ATP11C: variants seen among roughly 807,000 people sequenced by gnomAD.
The protein encoded by ATP11C is phospholipid-transporting ATPase IG.
ATP11C carries 36 observed loss-of-function variants against 97.4 expected under a neutral mutation model. The ratio of observed to expected loss-of-function variants is 0.37; its 90% CI spans 0.28 to 0.49. The LOEUF is 0.49. Among genes scored for constraint, ATP11C ranks in the 20% least tolerant of loss-of-function variants. The pLI is 0.98. For synonymous variants in ATP11C, 275 were observed against 290.9 expected (o/e 0.95, Z 0.56); for missense variants, 730 against 824.6 (o/e 0.89, Z 1.40).
At chrX:139,764,504 A>G (rs745694532) in intron 20 of ATP11C, among the ~76,000 whole-genome samples, 50 of 112,875 alleles carry the variant, frequency 4.4e-4, no homozygotes, top group Non-Finnish European at 8.2e-4. Context: ...TGTTTTAGAT[A>G]ATCACTGTTT....
At chrX:139,809,553 T>C (rs2147817022) in intron 5 of ATP11C, among the ~76,000 whole-genome samples, 1 of 112,460 alleles carries the variant, frequency 8.9e-6, no homozygotes, top group Non-Finnish European at 1.9e-5. Flanking sequence ...GTTTAATGAA[T>C]AGAGCTTTGT....
chrX:139,777,150 T>A (rs1157058912), intron 18 of ATP11C, among the ~76,000 whole-genome samples: 2 of 110,972 alleles, frequency 1.8e-5, no homozygotes, highest in Non-Finnish European at 3.8e-5. Flanking sequence ...ACACAAAGGA[T>A]TGTACTACCT....
At chrX:139,919,992 A>G (rs1237134832) in intron 1 of ATP11C, among the ~76,000 whole-genome samples, 1 of 111,959 alleles carries the variant, frequency 8.9e-6, no homozygotes, top group Non-Finnish European at 1.9e-5. Context: ...AGTGCGAACA[A>G]CCCAAATGTC....
intron 13 of ATP11C, 36 bp from the exon 14 acceptor site, chrX:139,788,379 T>C (rs1219106814): frequency 1.8e-6 from 2 of 1,127,839 alleles, no homozygotes; most frequent in African/African-American, 3.6e-5. Context: ...TTATTATTTT[T>C]AATTTGATCA....
intron 12 of ATP11C, among the ~76,000 whole-genome samples, chrX:139,790,387 AAAG>A (rs2082665874): frequency 9.0e-6 from 1 of 110,889 alleles, no homozygotes; most frequent in Non-Finnish European, 1.9e-5. Flanking sequence ...TGTTTGATGT[AAAG>A]AAGTTACATA....
At chrX:139,840,627 T>C (rs1029514458) in intron 1 of ATP11C, among the ~76,000 whole-genome samples, 8 of 111,956 alleles carry the variant, frequency 7.1e-5, no homozygotes, top group Non-Finnish European at 1.3e-4. Flanking sequence ...ACAAGGACAA[T>C]TGTAAAAGGT....
intron 1 of ATP11C, among the ~76,000 whole-genome samples, chrX:139,854,416 G>A (rs1392409196): frequency 1.8e-5 from 2 of 111,636 alleles, no homozygotes; most frequent in Admixed American, 1.9e-4. Flanking sequence ...CAGATATGAA[G>A]GAAGTTCGCT....
intron 1 of ATP11C, among the ~76,000 whole-genome samples, chrX:139,853,226 G>A (rs2084029612): frequency 9.0e-6 from 1 of 111,248 alleles, no homozygotes; most frequent in South Asian, 3.8e-4. Flanking sequence ...GAAGGAGAGG[G>A]GAGAACAGCA....
At chrX:139,885,552 CA>C (rs1465074518) in intron 1 of ATP11C, 1 of 111,800 alleles carries the variant, frequency 8.9e-6, no homozygotes, top group Non-Finnish European at 1.9e-5. Context: ...ATAAAACACA[CA>C]TATGGTTAAG....
intron 1 of ATP11C, among the ~76,000 whole-genome samples, chrX:139,840,645 A>T (rs890975953): frequency 2.7e-5 from 3 of 112,137 alleles, no homozygotes; most frequent in African/African-American, 9.7e-5. Flanking sequence ...GGTTTTCAGA[A>T]GGGCCTATCA....
At chrX:139,845,583 A>G (rs759683064) in intron 1 of ATP11C, among the ~76,000 whole-genome samples, 2 of 111,826 alleles carry the variant, frequency 1.8e-5, no homozygotes, top group African/African-American at 6.5e-5. Context: ...CATTAATTAG[A>G]GCTTTTAAAC....
intron 1 of ATP11C, among the ~76,000 whole-genome samples, chrX:139,891,598 T>C (rs1405093157): frequency 5.4e-5 from 6 of 111,510 alleles, no homozygotes; most frequent in Non-Finnish European, 9.4e-5. Context: ...CACACACACA[T>C]GCATGCACAC....
intron 13 of ATP11C, among the ~76,000 whole-genome samples, chrX:139,788,568 C>A (rs2148731251): frequency 9.0e-6 from 1 of 111,517 alleles, no homozygotes; most frequent in East Asian, 2.8e-4. Context: ...TGTGTTAACT[C>A]ATTAAGGTTA....
intron 1 of ATP11C, among the ~76,000 whole-genome samples, chrX:139,867,038 T>C (rs1047285135): frequency 9.0e-6 from 1 of 111,614 alleles, no homozygotes; most frequent in African/African-American, 3.3e-5. Context: ...GAGAGCTGTG[T>C]TTGCACTACT....
At chrX:139,866,712 C>T (rs981097783) in intron 1 of ATP11C, among the ~76,000 whole-genome samples, 1 of 109,256 alleles carries the variant, frequency 9.2e-6, no homozygotes, top group Non-Finnish European at 1.9e-5. Flanking sequence ...GAAGAAGACC[C>T]TGTTTCAAAA....
At position 139,751,579 on chromosome X, in the gene ATP11C, G is replaced by A. The variant is rs1478141444; in HGVS notation, c.2701-1427C>T. 9.9e-5 allele frequency among the ~76,000 whole-genome samples: 11 copies of A among 111,585 alleles called. No individual in the cohort carries two copies. The Admixed American group carries it at 1.0e-3, about 11-fold the overall frequency. On this transcript the variant is annotated intron_variant, in intron 23 of 29. Transcript: ENST00000682941. ...AAATTTAAAAAATACAACTCAGATT[G>A]ACTGGTGTGTCATTTAGTCTTGAAT...
At position 139,789,387 on chromosome X, in the gene ATP11C, T is replaced by C. The variant is rs2082643018; in HGVS notation, c.1308A>G (p.Gln436=). The C allele has an allele frequency of 1.7e-6, 2 of 1,205,102 alleles. No homozygotes were observed. The highest frequency in any genetic ancestry group is 2.2e-6 in the Non-Finnish European group (2 of 891,753). ...CAGTTTGAGATAATCCATCAACCTC[T>C]TGAGTTACACCTTTATATTTGTGGC... ...IDGHKYKGVT[Q]EVDGLSQTDG... Residue 436 remains glutamine (Q), a synonymous_variant, in exon 13 of 30, where the codon CAA becomes CAG. Coordinates refer to ENST00000682941, the MANE Select transcript of ATP11C (RefSeq NM_001353812.2).
chrX:139,884,439 A>G lies in ATP11C; in HGVS notation c.27+47577T>C, dbSNP rs985921627. On this transcript the variant is annotated intron_variant, in intron 1 of 29. Coordinates refer to ENST00000682941, the MANE Select transcript of ATP11C (RefSeq NM_001353812.2). ...ATAAAAACGGCATCTCCAATCCTCC[A>G]CACTGAGATAACCACTTCCAAACCA... Among the ~76,000 whole-genome samples, 3 of 111,938 alleles carry G rather than the reference A, an allele frequency of 2.7e-5. No individual in the cohort carries two copies. The Admixed American group carries it at 2.9e-4, about 11-fold the overall frequency.
At chrX:139,796,047 G>A (rs909826000) in intron 12 of ATP11C, among the ~76,000 whole-genome samples, 1 of 111,825 alleles carries the variant, frequency 8.9e-6, no homozygotes, top group Non-Finnish European at 1.9e-5. Flanking sequence ...TTTCAGTAAC[G>A]TTCAAATTTA....
Sources: allele counts gnomAD v4.1 joint callset (sites outside exome capture counted in the v4.1 genomes callset), GRCh38; gene constraint gnomAD v4.1.1; transcripts MANE v1.5; gene names NCBI Gene and HGNC (gene_info 2026-07-23, HGNC 2026-07-21).